CNTN5: variants seen among roughly 807,000 people sequenced by gnomAD.
CNTN5 encodes the protein contactin-5.
In CNTN5, 77 loss-of-function variants were observed where a neutral mutation model predicts 129.1. The ratio of observed to expected loss-of-function variants is 0.60; its 90% confidence interval spans 0.50 to 0.72. CNTN5 has a LOEUF of 0.72. Ranked by LOEUF, CNTN5 falls within the 30% of genes least tolerant of loss-of-function variation. The probability of loss-of-function intolerance (pLI) is 0.00; values close to 1 mark genes in which losing one functional copy is unlikely to be tolerated. For synonymous variants in CNTN5, 509 were observed against 465.6 expected (o/e 1.09, Z -1.20); for missense variants, 1,478 against 1,328.8 (o/e 1.11, Z -1.75).
At chr11:99,120,905 G>T (rs1331782077) in intron 1 of CNTN5, among the ~76,000 whole-genome samples, 1 of 151,992 alleles carries the variant, frequency 6.6e-6, no homozygotes, top group African/African-American at 2.4e-5. Context: ...ATTTACCCAG[G>T]CTTATATATT....
At chr11:99,376,134 A>C (rs1940165633) in intron 2 of CNTN5, among the ~76,000 whole-genome samples, 1 of 152,214 alleles carries the variant, frequency 6.6e-6, no homozygotes, top group Non-Finnish European at 1.5e-5. Context: ...TTGTACGATT[A>C]TAAAAGTTAT....
At chr11:99,285,980 G>A (rs1863920741) in intron 1 of CNTN5, among the ~76,000 whole-genome samples, 1 of 148,938 alleles carries the variant, frequency 6.7e-6, no homozygotes, top group African/African-American at 2.5e-5. Flanking sequence ...AGAGGTTGTA[G>A]CGAGGTGAGA....
intron 1 of CNTN5, among the ~76,000 whole-genome samples, chr11:99,108,406 G>T (rs1469066322): frequency 2.0e-5 from 3 of 152,028 alleles, no homozygotes; most frequent in Non-Finnish European, 4.4e-5. Flanking sequence ...CAATAGGTGT[G>T]GATTCAGGCA....
At position 99,399,156 on chromosome 11, in the gene CNTN5, AT is replaced by A. The variant is rs869166288; in HGVS notation, c.-71+73673del. Among the ~76,000 whole-genome samples the A allele has an allele frequency of 3.7e-3, 554 of 151,080 alleles. 15 individuals are homozygous for A. Among genetic ancestry groups the A allele is most frequent in the Admixed American group, 0.03 (454 of 15,114 alleles). ...ATGGGGCTACATAAGCATTTGTGGA[AT>A]AAAAAAAACTAAAATATTAATGAAA... On this transcript the variant is annotated intron_variant, in intron 2 of 24. Transcript: ENST00000524871.
At chr11:99,033,593 G>C (rs1225984684) in intron 1 of CNTN5, among the ~76,000 whole-genome samples, 1 of 151,830 alleles carries the variant, frequency 6.6e-6, no homozygotes, top group Non-Finnish European at 1.5e-5. Flanking sequence ...GTATAAGAAT[G>C]CTTGTGATTT....
chr11:99,220,772 A>C (rs2135701451), intron 1 of CNTN5, among the ~76,000 whole-genome samples: 1 of 152,056 alleles, frequency 6.6e-6, no homozygotes, highest in South Asian at 2.1e-4. Flanking sequence ...CACAGAAAAT[A>C]TTGTGTTGTG....
chr11:100,325,622 A>C (rs1306652085), intron 21 of CNTN5, among the ~76,000 whole-genome samples: 1 of 152,226 alleles, frequency 6.6e-6, no homozygotes, highest in Non-Finnish European at 1.5e-5. Context: ...ATACATATGA[A>C]GCTGTGGTTT....
intron 13 of CNTN5, among the ~76,000 whole-genome samples, chr11:100,190,134 T>A (rs917300577): frequency 1.3e-5 from 2 of 152,154 alleles, no homozygotes; most frequent in African/African-American, 4.8e-5. Flanking sequence ...CTTAAATAGT[T>A]TAATATTATC....
chr11:99,187,242 A>G (rs1337873217), intron 1 of CNTN5, among the ~76,000 whole-genome samples: 4 of 151,796 alleles, frequency 2.6e-5, no homozygotes, highest in Admixed American at 6.6e-5. Flanking sequence ...ATGGTGAAGT[A>G]ATGAAAAATG....
chr11:99,477,823 A>C (rs1472206610), intron 2 of CNTN5, among the ~76,000 whole-genome samples: 1 of 151,980 alleles, frequency 6.6e-6, no homozygotes, highest in African/African-American at 2.4e-5. Flanking sequence ...TAAAAAAATA[A>C]AAAGAAGCTG....
At chr11:99,666,134 A>C (rs1298269279) in intron 3 of CNTN5, among the ~76,000 whole-genome samples, 1 of 151,808 alleles carries the variant, frequency 6.6e-6, no homozygotes, top group Non-Finnish European at 1.5e-5. Context: ...CGCCCGGCTG[A>C]TTTTTGTATT....
chr11:100,288,287 C>A (rs1950850767), intron 18 of CNTN5, among the ~76,000 whole-genome samples: 1 of 124,808 alleles, frequency 8.0e-6, no homozygotes, highest in Non-Finnish European at 1.6e-5. Flanking sequence ...CTCTCCACCC[C>A]AAATCAACAG....
intron 10 of CNTN5, among the ~76,000 whole-genome samples, chr11:100,069,673 G>C (rs1454030047): frequency 6.6e-6 from 1 of 152,048 alleles, no homozygotes; most frequent in Non-Finnish European, 1.5e-5. Flanking sequence ...ATATTTTACA[G>C]TTTTTGCCAA....
chr11:99,280,911 C>T (rs571042677), intron 1 of CNTN5, among the ~76,000 whole-genome samples: 327 of 151,446 alleles, frequency 2.2e-3, no homozygotes, highest in African/African-American at 7.3e-3. Context: ...AATATATTTA[C>T]AGTTATATAT....
At chr11:100,102,887 G>C (rs985842332) in intron 13 of CNTN5, among the ~76,000 whole-genome samples, 1 of 152,036 alleles carries the variant, frequency 6.6e-6, no homozygotes, top group African/African-American at 2.4e-5. Flanking sequence ...TCCTCTAACT[G>C]GCTGATTTTG....
At position 100,340,618 on chromosome 11, in the gene CNTN5, C is replaced by A; in HGVS notation, c.2886C>A (p.Ser962Arg). The change falls in exon 22 of 25, where the codon AGC becomes AGA. Residue 962 changes from serine to arginine, a missense_variant. By Grantham distance (110) the Ser-to-Arg change is moderately radical. Transcript: ENST00000524871. The part of the protein sequence containing the change: ...AYNGAGYGPP[S>R]SEVSATTKKS... ...ATGGAGCTGGATATGGGCCACCTAG[C>A]AGTGAAGTGAGTGCAACCACCAAGA... 1 of 1,607,990 alleles carries A rather than the reference C, an allele frequency of 6.2e-7. No homozygotes were observed.
chr11:99,679,539 C>T (rs889555214), intron 3 of CNTN5, among the ~76,000 whole-genome samples: 1 of 152,086 alleles, frequency 6.6e-6, no homozygotes, highest in Non-Finnish European at 1.5e-5. Flanking sequence ...CCACAGACTG[C>T]ACCCATATAA....
At chr11:99,319,703 A>T (rs1394993089) in intron 1 of CNTN5, among the ~76,000 whole-genome samples, 1 of 152,190 alleles carries the variant, frequency 6.6e-6, no homozygotes, top group African/African-American at 2.4e-5. Context: ...TTTTAAATTT[A>T]TATAAATTTA....
chr11:99,830,338 T>C (rs1947099008), intron 4 of CNTN5, among the ~76,000 whole-genome samples: 1 of 152,166 alleles, frequency 6.6e-6, no homozygotes, highest in Admixed American at 6.5e-5. Context: ...AGCACTGTCT[T>C]CTGACAATTG....
Sources: gnomAD v4.1 joint callset for allele counts (sites outside exome capture counted in the v4.1 genomes callset) on GRCh38, gnomAD v4.1.1 for gene constraint, MANE v1.5 for transcripts, NCBI Gene and HGNC (gene_info 2026-07-23, HGNC 2026-07-21) for gene names.